Variants in NCS1 observed in about 807,000 individuals in gnomAD.
The protein encoded by NCS1 is neuronal calcium sensor 1.
A neutral mutation model predicts 28.4 loss-of-function variants in NCS1; 6 were observed. The observed-to-expected ratio is 0.21, with a 90% CI of 0.12 to 0.42. NCS1 has a LOEUF of 0.42. Ranked by LOEUF, NCS1 falls within the 10% of genes least tolerant of loss-of-function variation. NCS1 has a pLI of 1.00. For missense variants in NCS1, 131 were observed against 241.4 expected (o/e 0.54, Z 3.03); for synonymous variants, 86 against 99.3 (o/e 0.87, Z 0.79).
At chr9:130,174,598 G>A (rs571749883) in intron 1 of NCS1, among the ~76,000 whole-genome samples, 18 of 152,260 alleles carry the variant, frequency 1.2e-4, no homozygotes, top group African/African-American at 4.3e-4. Flanking sequence ...ACTTTGGGAG[G>A]CCGAGGCGGG....
rs782585782 is a variant in NCS1, at chr9:130,181,158, G to A, written c.64+8431G>A. ...GAAGGTACGTCAGGGCCCCAGGGACGGAGTGTGCTTGGGCTGTGGTGTTCA... is the reference window on the plus strand; with the variant it reads ...GAAGGTACGTCAGGGCCCCAGGGACAGAGTGTGCTTGGGCTGTGGTGTTCA... On this transcript the variant is annotated intron_variant, in intron 1 of 7. Transcript: ENST00000372398. The surrounding 1 kb of genome is among the most constrained non-coding windows in gnomAD (Gnocchi z 5.0). 3.3e-5 allele frequency among the ~76,000 whole-genome samples: 5 copies of A among 152,176 alleles called. No individual in the cohort carries two copies. The highest frequency in any genetic ancestry group is 9.7e-5 in the African/African-American group (4 of 41,440).
In NCS1 at chr9:130,186,303, T is replaced by G. The variant is rs1362775761; in HGVS notation, c.64+13576T>G. Among the ~76,000 whole-genome samples, 2 of 152,028 alleles carry G rather than the reference T, an allele frequency of 1.3e-5. No individual in the cohort carries two copies. The highest frequency in any genetic ancestry group is 2.9e-5 in the Non-Finnish European group (2 of 68,014). On this transcript the variant is annotated intron_variant, in intron 1 of 7. Coordinates refer to ENST00000372398, the MANE Select transcript of NCS1 (RefSeq NM_014286.4). The surrounding 1 kb of genome is among the most constrained non-coding windows in gnomAD (Gnocchi z 4.1). ...AGCGTCAAGACAGGGCTTTGCACAA[T>G]GGACTGGGAATCTCCCTGGTCTGGG...
chr9:130,186,060 A>G lies in NCS1; in HGVS notation c.64+13333A>G, dbSNP rs1832734556. Among the ~76,000 whole-genome samples, 1 of 152,222 alleles carries G rather than the reference A, an allele frequency of 6.6e-6. No individual in the cohort carries two copies. ...GAAGGAGGCATGGCCAGCAGGGAGC[A>G]GAGGGGAGGCCCTGGGTCCTGTGGG... On this transcript the variant is annotated intron_variant, in intron 1 of 7. Coordinates refer to ENST00000372398, the MANE Select transcript of NCS1 (RefSeq NM_014286.4). This position sits in a 1 kb window ranked among gnomAD's most constrained non-coding sequence, Gnocchi z 4.1.
chr9:130,216,405 G>A (rs1353315679), intron 2 of NCS1, among the ~76,000 whole-genome samples: 1 of 152,152 alleles, frequency 6.6e-6, no homozygotes, highest in African/African-American at 2.4e-5. Context: ...CTCTGAGCCT[G>A]TTTCTTCATC....
rs1554912527 is a variant in NCS1, at chr9:130,234,073, G to A, written c.*1101G>A. 1 of 152,156 alleles carries A rather than the reference G, an allele frequency of 6.6e-6. No homozygotes were observed. The highest frequency in any genetic ancestry group is 6.5e-5 in the Admixed American group (1 of 15,274). 9.4% of individuals were successfully genotyped at this position (152,156 alleles called of 1,614,324 possible). On this transcript the variant is annotated 3_prime_UTR_variant, in exon 8 of 8. Transcript: ENST00000372398. The surrounding 1 kb of genome is among the most constrained non-coding windows in gnomAD (Gnocchi z 6.1). ...GCTGGGAGCTGGAAGAAGGGGCATTGGGTACCCAGGCAGAGTCAGGAGAGG... is the reference window on the plus strand; with the variant it reads ...GCTGGGAGCTGGAAGAAGGGGCATTAGGTACCCAGGCAGAGTCAGGAGAGG...
chr9:130,231,241 C>T (rs570110907), intron 7 of NCS1, among the ~76,000 whole-genome samples: 1 of 151,796 alleles, frequency 6.6e-6, no homozygotes, highest in Non-Finnish European at 1.5e-5. Context: ...GTCCCACCTA[C>T]TTAGGGGTGC....
chr9:130,173,208 G>GGT (rs1554904300), intron 1 of NCS1, among the ~76,000 whole-genome samples: 6 of 151,854 alleles, frequency 4.0e-5, no homozygotes, highest in African/African-American at 1.5e-4. Flanking sequence ...GTGGGGGGGG[G>GGT]GGTGGCGAGA....
chr9:130,208,566 C>G (rs1183890841), intron 2 of NCS1, among the ~76,000 whole-genome samples: 3 of 152,144 alleles, frequency 2.0e-5, no homozygotes, highest in African/African-American at 7.2e-5. Context: ...TGAGCCACTG[C>G]GCCTGACTCT....
chr9:130,194,287 GGAGGAGCTGGAGTA>G (rs1554906540), intron 1 of NCS1, among the ~76,000 whole-genome samples: 1 of 152,228 alleles, frequency 6.6e-6, no homozygotes, highest in Non-Finnish European at 1.5e-5. Flanking sequence ...GTGGAAGGGA[GGAGGAGCTGGAGTA>G]GAGGAGCTGG....
chr9:130,181,228 G>A lies in NCS1; in HGVS notation c.64+8501G>A, dbSNP rs537177063. On this transcript the variant is annotated intron_variant, in intron 1 of 7. Transcript: ENST00000372398. This position sits in a 1 kb window ranked among gnomAD's most constrained non-coding sequence, Gnocchi z 5.0. ...TTCTCAGCCTCAGGCATGGTTCTTA[G>A]CCTCTCGATACCTTAGTTTTCTTAT... is the stretch of plus-strand genomic sequence containing the variant. Among the ~76,000 whole-genome samples, 1 of 152,270 alleles carries A rather than the reference G, an allele frequency of 6.6e-6. No homozygotes were observed. The highest frequency in any genetic ancestry group is 2.4e-5 in the African/African-American group (1 of 41,546).
At chr9:130,194,097 T>C (rs1355090042) in intron 1 of NCS1, among the ~76,000 whole-genome samples, 1 of 152,188 alleles carries the variant, frequency 6.6e-6, no homozygotes, top group Non-Finnish European at 1.5e-5. Flanking sequence ...CGTCCATGCC[T>C]CTAGCTGAAG....
rs965110606 is a variant in NCS1 at position 130,186,104 on chromosome 9, G to A, written c.64+13377G>A. ...CTGTGGGGGGCATGTGTGGCCAAAC[G>A]GGTTCCTGGGCCACCTTGCCAGCCC... On this transcript the variant is annotated intron_variant, in intron 1 of 7. Coordinates refer to ENST00000372398, the MANE Select transcript of NCS1 (RefSeq NM_014286.4). This position sits in a 1 kb window ranked among gnomAD's most constrained non-coding sequence, Gnocchi z 4.1. Among the ~76,000 whole-genome samples, 37 of 152,186 alleles carry A rather than the reference G, an allele frequency of 2.4e-4. No homozygotes were observed. Among genetic ancestry groups the A allele is most frequent in the African/African-American group, 8.4e-4 (35 of 41,446 alleles).
chr9:130,234,876 G>T lies in NCS1; in HGVS notation c.*1904G>T, dbSNP rs1833558047. Reference sequence around the variant, plus strand: ...ACTGTCAGGGCCAGGCCTGGGTCTAGAATTCTTGCTGCTGCTTTGCAGAGT... The same window carrying T: ...ACTGTCAGGGCCAGGCCTGGGTCTATAATTCTTGCTGCTGCTTTGCAGAGT... On this transcript the variant is annotated 3_prime_UTR_variant, in exon 8 of 8. Coordinates refer to ENST00000372398, the MANE Select transcript of NCS1 (RefSeq NM_014286.4). This position sits in a 1 kb window ranked among gnomAD's most constrained non-coding sequence, Gnocchi z 6.1. The T allele has an allele frequency of 6.6e-6, 1 of 152,246 alleles. No individual in the cohort carries two copies. The highest frequency in any genetic ancestry group is 2.4e-5 in the African/African-American group (1 of 41,448). The allele number at this position is 152,246 out of a possible 1,614,324, so 9.4% of individuals were successfully genotyped here. A position where few individuals can be genotyped will look rare whatever the true frequency, so the allele number is the denominator to read the frequency against.
intron 2 of NCS1, among the ~76,000 whole-genome samples, chr9:130,203,149 T>C: frequency 6.6e-6 from 1 of 150,834 alleles, no homozygotes; most frequent in African/African-American, 2.4e-5. Flanking sequence ...TTTTTTTTTT[T>C]TTCTTGAGAC....
Position 130,192,071 on chromosome 9 carries a change from T to A in NCS1, c.65-8887T>A, listed in dbSNP as rs1434043680. Among the ~76,000 whole-genome samples, 1 of 152,160 alleles carries A rather than the reference T, an allele frequency of 6.6e-6. No homozygotes were observed. The highest frequency in any genetic ancestry group is 2.4e-5 in the African/African-American group (1 of 41,432). On this transcript the variant is annotated intron_variant, in intron 1 of 7. Coordinates refer to ENST00000372398, the MANE Select transcript of NCS1 (RefSeq NM_014286.4). The surrounding 1 kb of genome is among the most constrained non-coding windows in gnomAD (Gnocchi z 4.8). ...GCTCTGGGCAGCAGGCCAGGCCTCC[T>A]TTCTGGGGCAGCTCAGGCCTGGTGC...
At chr9:130,227,976 G>T (rs1564715835) in intron 7 of NCS1, among the ~76,000 whole-genome samples, 1 of 152,152 alleles carries the variant, frequency 6.6e-6, no homozygotes, top group East Asian at 1.9e-4. Context: ...TGAAGGTTTG[G>T]CTGGTGATGA....
chr9:130,202,704 C>T lies in NCS1; in HGVS notation c.89+1722C>T, dbSNP rs372275445. Among the ~76,000 whole-genome samples, 40 of 152,064 alleles carry T rather than the reference C, an allele frequency of 2.6e-4. No homozygotes were observed. The East Asian group carries it at 5.2e-3, about 20-fold the overall frequency. ...AAGCGATTCTCTTGTCTCTGCCTCC[C>T]GAGTAGCTGGGACTACAGGTGTGTG... is the stretch of plus-strand genomic sequence containing the variant. On this transcript the variant is annotated intron_variant, in intron 2 of 7. Coordinates refer to ENST00000372398, the MANE Select transcript of NCS1 (RefSeq NM_014286.4).
chr9:130,179,320 G>A lies in NCS1; in HGVS notation c.64+6593G>A, dbSNP rs1315648527. 4.6e-5 allele frequency among the ~76,000 whole-genome samples: 7 copies of A among 152,002 alleles called. No individual in the cohort carries two copies. The South Asian group carries it at 6.2e-4, about 14-fold the overall frequency. On this transcript the variant is annotated intron_variant, in intron 1 of 7. Coordinates refer to ENST00000372398, the MANE Select transcript of NCS1 (RefSeq NM_014286.4). ...ACCTGACCATTCTGAATGTTTGCCC[G>A]TATCATGAACTATGCTTTTAGAGCA... is the stretch of plus-strand genomic sequence containing the variant.
At chr9:130,194,334 G>T (rs1342221773) in intron 1 of NCS1, among the ~76,000 whole-genome samples, 1 of 152,232 alleles carries the variant, frequency 6.6e-6, no homozygotes. Flanking sequence ...CGCTGCCGGG[G>T]TGGAAAGGAG....
Sources: gnomAD v4.1 joint callset for allele counts (sites outside exome capture counted in the v4.1 genomes callset) on GRCh38, gnomAD v4.1.1 for gene constraint, Gnocchi (gnomAD v3.1) non-coding constraint, MANE v1.5 for transcripts, NCBI Gene and HGNC (gene_info 2026-07-23, HGNC 2026-07-21) for gene names.